The following KIAA1549 variants were observed in gnomAD, a reference collection of about 807,000 sequenced individuals.
KIAA1549 encodes UPF0606 protein KIAA1549.
Under a neutral mutation model 156.4 loss-of-function variants are expected in KIAA1549, and 70 were observed. That is an observed-to-expected ratio of 0.45 (90% confidence interval 0.37 to 0.55). The LOEUF (loss-of-function observed/expected upper bound fraction) is 0.55, where lower values mean the gene tolerates loss of function less well. Among genes scored for constraint, KIAA1549 ranks in the 20% least tolerant of loss-of-function variants. The pLI, the probability that KIAA1549 is intolerant of heterozygous loss-of-function variation, is 0.00. For missense variants in KIAA1549, 2,428 were observed against 2,540.9 expected (o/e 0.96, Z 0.96); for synonymous variants, 1,103 against 1,066.4 (o/e 1.03, Z -0.67).
intron 1 of KIAA1549, among the ~76,000 whole-genome samples, chr7:138,960,302 G>GATTTATTT (rs1475349128): frequency 2.2e-5 from 2 of 91,058 alleles, no homozygotes; most frequent in African/African-American, 4.7e-5. Context: ...TTGATTTATT[G>GATTTATTT]ATTTATTTAT....
In KIAA1549 at chr7:138,905,064, G is replaced by T; in HGVS notation, c.3478C>A (p.Leu1160Ile). ...GACTTCAGCAACTGAGATAAGTTGA[G>T]CTGTGGATACTGGAAGGCTACAAAA... ...QIAEPFQYPQ[L>I]NLSQLLKSSW... is the part of the protein sequence containing the mutation. Residue 1160 changes from leucine to isoleucine, a missense_variant, in exon 7 of 20, where the codon CTC becomes ATC. Physicochemically the swap from Leu to Ile is conservative, Grantham distance 5. Coordinates refer to ENST00000422774, the MANE Select transcript of KIAA1549 (RefSeq NM_001164665.2). 9 of 1,576,240 alleles carry T rather than the reference G, an allele frequency of 5.7e-6. No homozygotes were observed. Among genetic ancestry groups the T allele is most frequent in the East Asian group, 2.3e-5 (1 of 43,558 alleles).
At chr7:138,896,301 C>A (rs911344108) in intron 9 of KIAA1549, among the ~76,000 whole-genome samples, 3 of 152,104 alleles carry the variant, frequency 2.0e-5, no homozygotes, top group African/African-American at 4.8e-5. Flanking sequence ...AAAAAGGGTT[C>A]TTGGTGCTGG....
chr7:138,940,043 T>C (rs943339247), intron 1 of KIAA1549, among the ~76,000 whole-genome samples: 6 of 152,184 alleles, frequency 3.9e-5, no homozygotes, highest in Non-Finnish European at 8.8e-5. Flanking sequence ...ACTTTAAGTT[T>C]TAGGGTACAT....
chr7:138,980,092 C>T (rs1442557131), intron 1 of KIAA1549, among the ~76,000 whole-genome samples: 1 of 152,224 alleles, frequency 6.6e-6, no homozygotes, highest in African/African-American at 2.4e-5. Flanking sequence ...CCTGCTCCCA[C>T]GAGAAAGGAG....
chr7:138,939,315 A>C (rs771338731), intron 1 of KIAA1549, among the ~76,000 whole-genome samples: 1 of 152,204 alleles, frequency 6.6e-6, no homozygotes, highest in Non-Finnish European at 1.5e-5. Flanking sequence ...TTTGTATAAC[A>C]GTACAGTTGC....
chr7:138,912,983 T>C (rs2130469444), intron 2 of KIAA1549, among the ~76,000 whole-genome samples: 1 of 152,292 alleles, frequency 6.6e-6, no homozygotes, highest in South Asian at 2.1e-4. Flanking sequence ...CACACCATTC[T>C]CCTGCCTCAG....
chr7:138,908,754 TTTCTTCA>T (rs773278383), intron 5 of KIAA1549, among the ~76,000 whole-genome samples: 1 of 152,204 alleles, frequency 6.6e-6, no homozygotes, highest in Non-Finnish European at 1.5e-5. Flanking sequence ...TATGGTCATG[TTTCTTCA>T]GCTCACCATA....
At position 138,899,072 on chromosome 7, in the gene KIAA1549, C is replaced by G; in HGVS notation, c.3730G>C (p.Glu1244Gln). The change falls in exon 9 of 20, where the codon GAG (glutamate) becomes CAG (glutamine). Residue 1244 changes from glutamate (E) to glutamine (Q), a missense_variant. Transcript: ENST00000422774. The part of the protein sequence containing the change: ...DNPVQLIYFV[E>Q]DQDGERLSAV... Reference sequence around the variant, plus strand: ...CTGAGTCTTTCTCCATCTTGATCCTCCACAAAGTAGATGAGCTGTACCGGA... The same window carrying G: ...CTGAGTCTTTCTCCATCTTGATCCTGCACAAAGTAGATGAGCTGTACCGGA... 6.2e-7 allele frequency: 1 copy of G among 1,613,826 alleles called. No individual in the cohort carries two copies. Among genetic ancestry groups the G allele is most frequent in the Non-Finnish European group, 8.5e-7 (1 of 1,179,750 alleles).
intron 1 of KIAA1549, among the ~76,000 whole-genome samples, chr7:138,966,952 C>T (rs780215499): frequency 2.0e-5 from 3 of 152,108 alleles, no homozygotes; most frequent in Admixed American, 6.5e-5. Context: ...TACGTTATTA[C>T]GGCAGCCTGA....
chr7:138,908,650 T>G (rs1227985555), intron 5 of KIAA1549, among the ~76,000 whole-genome samples: 2 of 152,238 alleles, frequency 1.3e-5, no homozygotes, highest in African/African-American at 2.4e-5. Context: ...CCGTTCTTAG[T>G]AGCTATATGG....
At chr7:138,843,119 A>T (rs1374819852) in intron 18 of KIAA1549, among the ~76,000 whole-genome samples, 1 of 152,204 alleles carries the variant, frequency 6.6e-6, no homozygotes, top group African/African-American at 2.4e-5. Flanking sequence ...TTGAAAGTTT[A>T]TGCTATGCTA....
intron 1 of KIAA1549, among the ~76,000 whole-genome samples, chr7:138,978,715 T>C (rs1814454437): frequency 6.6e-6 from 1 of 152,154 alleles, no homozygotes; most frequent in Non-Finnish European, 1.5e-5. Flanking sequence ...GCCATGCCAT[T>C]TTCTGACTAC....
At chr7:138,940,551 A>G (rs1813154501) in intron 1 of KIAA1549, among the ~76,000 whole-genome samples, 1 of 151,808 alleles carries the variant, frequency 6.6e-6, no homozygotes, top group African/African-American at 2.4e-5. Flanking sequence ...GGCTGGGTCA[A>G]ATGGTATTTC....
At chr7:138,839,797 TTTTTTTTTTTG>T in intron 19 of KIAA1549, among the ~76,000 whole-genome samples, 1 of 136,906 alleles carries the variant, frequency 7.3e-6, no homozygotes, top group South Asian at 2.6e-4. Context: ...TTTTTTTTTT[TTTTTTTTTTTG>T]AGACAGTCTC....
chr7:138,926,083 A>G (rs1812709605), intron 1 of KIAA1549, among the ~76,000 whole-genome samples: 1 of 152,126 alleles, frequency 6.6e-6, no homozygotes, highest in Admixed American at 6.5e-5. Context: ...GCTTTCATCC[A>G]GACAGAAACA....
At chr7:138,927,405 C>A (rs112656936) in intron 1 of KIAA1549, among the ~76,000 whole-genome samples, 1,651 of 152,312 alleles carry the variant, frequency 0.011, 25 homozygotes, top group African/African-American at 0.038. Context: ...CTTTGGGAGG[C>A]CAGGTGGGCA....
chr7:138,845,334 T>C (rs1810043905), intron 17 of KIAA1549, among the ~76,000 whole-genome samples: 2 of 152,282 alleles, frequency 1.3e-5, no homozygotes, highest in East Asian at 3.9e-4. Context: ...ATCCTGTCAG[T>C]TGCTGGATGT....
chr7:138,907,079 G>A lies in KIAA1549; in HGVS notation c.3300C>T (p.Ser1100=). ...TVQILNITIS[S]SRVTPRRGPV... Reference sequence around the variant, plus strand: ...GGCCCCGCCGAGGAGTCACCCTTGAGGAACTGATGGTGATATTCAAGATCT... The same window carrying A: ...GGCCCCGCCGAGGAGTCACCCTTGAAGAACTGATGGTGATATTCAAGATCT... The change falls in exon 6 of 20, where the codon TCC becomes TCT. Residue 1100 remains serine, a synonymous_variant. Transcript: ENST00000422774. The A allele has an allele frequency of 6.3e-7, 1 of 1,598,560 alleles. No individual in the cohort carries two copies. Among genetic ancestry groups the A allele is most frequent in the Non-Finnish European group, 8.5e-7 (1 of 1,175,240 alleles).
At chr7:138,969,686 G>C (rs1042936151) in intron 1 of KIAA1549, among the ~76,000 whole-genome samples, 1 of 152,032 alleles carries the variant, frequency 6.6e-6, no homozygotes, top group African/African-American at 2.4e-5. Context: ...TCTGCTTCCC[G>C]GGATCAAGCA....
Sources: gnomAD v4.1 joint callset for allele counts (sites outside exome capture counted in the v4.1 genomes callset) on GRCh38, gnomAD v4.1.1 for gene constraint, MANE v1.5 for transcripts, NCBI Gene and HGNC (gene_info 2026-07-23, HGNC 2026-07-21) for gene names.